The following TJAP1 variants were observed in gnomAD, a reference collection of about 807,000 sequenced individuals.
TJAP1 encodes the protein tight junction associated protein 1.
Under a neutral mutation model 42.0 loss-of-function variants are expected in TJAP1, and 27 were observed. The observed-to-expected ratio is 0.64, with a 90% CI of 0.47 to 0.89. TJAP1 has a LOEUF of 0.89. Ranked by LOEUF, TJAP1 falls within the 40% of genes least tolerant of loss-of-function variation. The pLI, the probability that TJAP1 is intolerant of heterozygous loss-of-function variation, is 0.00. For missense variants in TJAP1, 712 were observed against 726.9 expected (o/e 0.98, Z 0.24); for synonymous variants, 257 against 288.4 (o/e 0.89, Z 1.10).
chr6:43,499,320 C>G (rs1382892689), intron 4 of TJAP1, among the ~76,000 whole-genome samples: 1 of 152,224 alleles, frequency 6.6e-6, no homozygotes, highest in East Asian at 1.9e-4. Context: ...CAGGGAACCC[C>G]TGAGTCTTTG....
At chr6:43,502,386 G>A (rs765728015) in intron 7 of TJAP1, 37 bp downstream of exon 7, 16 of 1,607,434 alleles carry the variant, frequency 1.0e-5, no homozygotes, top group Non-Finnish European at 1.4e-5. Flanking sequence ...TGGGCACTGT[G>A]CTCATAGCAT....
intron 6 of TJAP1, 67 bp from the exon 7 acceptor site, chr6:43,502,216 G>C: frequency 6.5e-7 from 1 of 1,538,424 alleles, no homozygotes; most frequent in Non-Finnish European, 9.0e-7. Context: ...CCCTATCGGG[G>C]AGGCTGAACA....
chr6:43,483,454 C>T (rs1267210018), intron 2 of TJAP1, among the ~76,000 whole-genome samples: 12 of 152,320 alleles, frequency 7.9e-5, no homozygotes, highest in South Asian at 2.1e-4. Context: ...GAGAAGCCTC[C>T]GCTGCTTTTC....
chr6:43,499,844 A>G lies in TJAP1; in HGVS notation c.99+744A>G, dbSNP rs558081934. Among the ~76,000 whole-genome samples, 211 of 152,344 alleles carry G rather than the reference A, an allele frequency of 1.4e-3. 1 individual carries two copies. The highest frequency in any genetic ancestry group is 4.7e-3 in the African/African-American group (194 of 41,582). ...TCAGATTCAAGGTAGAAAAGCCATG[A>G]CTTGCTCATTTCAGTTCAGGGAACA... is the stretch of plus-strand genomic sequence containing the variant. On this transcript the variant is annotated intron_variant, in intron 4 of 10. Coordinates refer to ENST00000372449, the Ensembl canonical transcript of TJAP1.
At chr6:43,484,213 C>G (rs1287096458) in intron 2 of TJAP1, among the ~76,000 whole-genome samples, 2 of 152,178 alleles carry the variant, frequency 1.3e-5, no homozygotes, top group Non-Finnish European at 2.9e-5. Flanking sequence ...AATCCCAGCA[C>G]TTTGGGAGGC....
At chr6:43,502,415 G>A (rs1172381632) in intron 7 of TJAP1, 66 bp downstream of exon 7, 3 of 1,575,596 alleles carry the variant, frequency 1.9e-6, no homozygotes, top group Non-Finnish European at 2.6e-6. Flanking sequence ...GCCAGGATTT[G>A]CCAGGGGAAT....
At chr6:43,504,395 A>G (rs1162063612) in intron 10 of TJAP1, 7 of 263,216 alleles carry the variant, frequency 2.7e-5, no homozygotes, top group Non-Finnish European at 2.9e-5. Context: ...GATTACAGGC[A>G]TGAGCCACTG....
intron 2 of TJAP1, among the ~76,000 whole-genome samples, chr6:43,479,225 TGGACTAG>T (rs899170932): frequency 2.0e-5 from 3 of 152,290 alleles, no homozygotes. Context: ...CGCTTCATGG[TGGACTAG>T]GATGGTTTGA....
At chr6:43,502,158 C>A in intron 6 of TJAP1, 125 bp from the exon 7 acceptor site, 1 of 788,148 alleles carries the variant, frequency 1.3e-6, no homozygotes, top group Non-Finnish European at 2.0e-6. Flanking sequence ...TCATCTAATT[C>A]CTATTAGAAA....
chr6:43,482,615 T>A (rs1436300026), intron 2 of TJAP1, among the ~76,000 whole-genome samples: 1 of 152,212 alleles, frequency 6.6e-6, no homozygotes, highest in African/African-American at 2.4e-5. Flanking sequence ...GTGTCATAAT[T>A]GCCTGTTTAC....
At chr6:43,506,032 A>G in exon 11 of TJAP1, 1 of 519,348 alleles carries the variant, frequency 1.9e-6, no homozygotes, top group Non-Finnish European at 3.1e-6. Flanking sequence ...AGCTGCGTTG[A>G]CTGACTGCAG....
chr6:43,494,938 C>T (rs1788778719), intron 2 of TJAP1, among the ~76,000 whole-genome samples: 2 of 152,238 alleles, frequency 1.3e-5, no homozygotes, highest in South Asian at 4.1e-4. Flanking sequence ...GGAGCCAGCT[C>T]AGCATCCAGA....
In TJAP1 at chr6:43,505,949, TCTC is replaced by T. The variant is rs1301167127; in HGVS notation, c.*98_*100del. On this transcript the variant is annotated 3_prime_UTR_variant, in exon 11 of 11. Transcript: ENST00000372449. This position sits in a 1 kb window ranked among gnomAD's most constrained non-coding sequence, Gnocchi z 5.5. The stretch of plus-strand genomic sequence containing the variant: ...GGGTCCCCAGTCCAAGCCCTTGACC[TCTC>T]CTCTATCCAGACCCGCACAGCTGTT... 5 of 1,336,956 alleles carry T rather than the reference TCTC, an allele frequency of 3.7e-6. No homozygotes were observed. The highest frequency in any genetic ancestry group is 1.8e-5 in the South Asian group (1 of 56,090). The allele number at this position is 1,336,956 out of a possible 1,614,324, so 82.8% of individuals were successfully genotyped here.
chr6:43,489,350 C>T (rs554289856), intron 2 of TJAP1, among the ~76,000 whole-genome samples: 2 of 152,202 alleles, frequency 1.3e-5, no homozygotes, highest in South Asian at 2.1e-4. Flanking sequence ...AAGTGCCACC[C>T]CTGGCCAGGC....
At chr6:43,480,869 T>G (rs983447195) in intron 2 of TJAP1, among the ~76,000 whole-genome samples, 3 of 152,184 alleles carry the variant, frequency 2.0e-5, no homozygotes, top group Admixed American at 6.6e-5. Flanking sequence ...ATCCCTGTCT[T>G]ACAGATGAGA....
At position 43,505,076 on chromosome 6, in the gene TJAP1, G is replaced by A. The variant is rs1259548775; in HGVS notation, c.895G>A (p.Gly299Ser). 1 of 1,613,982 alleles carries A rather than the reference G, an allele frequency of 6.2e-7. No individual in the cohort carries two copies. Among genetic ancestry groups the A allele is most frequent in the Non-Finnish European group, 8.5e-7 (1 of 1,180,022 alleles). ...GTGCCACTCTCTGGGTACTGCCAGG[G>A]GCTCCCCGGAGGAAGAGCTGCCCCT... is the stretch of plus-strand genomic sequence containing the variant. The change falls in exon 11 of 11, where the codon GGC becomes AGC. Residue 299 changes from glycine (G) to serine (S), a missense_variant. Gly to Ser is a moderately conservative substitution (Grantham distance 56, BLOSUM62 0). Around this residue, in one of 3 missense-constraint regions of TJAP1, gnomAD observed 549 missense variants for 528.2 expected, o/e 1.04. Transcript: ENST00000372449. The surrounding 1 kb of genome is among the most constrained non-coding windows in gnomAD (Gnocchi z 5.5).
chr6:43,482,054 C>T lies in TJAP1; in HGVS notation c.-122+3822C>T, dbSNP rs144128518. On this transcript the variant is annotated intron_variant, in intron 2 of 10. Transcript: ENST00000372449. ...TGAGAAGCAGACGGTATCTGTCAGA[C>T]GTATCGCTCCCCACTTCATGAACTT... Among the ~76,000 whole-genome samples the T allele has an allele frequency of 1.6e-3, 248 of 152,246 alleles. 6 individuals are homozygous for T. Among genetic ancestry groups the T allele is most frequent in the African/African-American group, 5.5e-3 (230 of 41,556 alleles).
At position 43,502,791 on chromosome 6, in the gene TJAP1, A is replaced by G. The variant is rs1018736465; in HGVS notation, c.387+174A>G. Reference sequence around the variant, plus strand: ...CCTCCCTCCCAGGAGAGAGGTGGGGAGCCTAGCCTGCTCTGCCCTTGGCTC... The same window carrying G: ...CCTCCCTCCCAGGAGAGAGGTGGGGGGCCTAGCCTGCTCTGCCCTTGGCTC... On this transcript the variant is annotated intron_variant, in intron 8 of 10. Transcript: ENST00000372449. The G allele has an allele frequency of 2.3e-5, 17 of 753,852 alleles. No homozygotes were observed. In the African/African-American group the frequency reaches 2.8e-4, roughly 12 times the overall value. 46.7% of individuals were successfully genotyped at this position (753,852 alleles called of 1,614,324 possible).
At chr6:43,503,849 T>G (rs1019822579) in intron 10 of TJAP1, 143 bp downstream of exon 10, 1 of 763,512 alleles carries the variant, frequency 1.3e-6, no homozygotes. Flanking sequence ...CTCAAGCCAG[T>G]CAACTCTGCC....
Sources: allele counts gnomAD v4.1 joint callset (sites outside exome capture counted in the v4.1 genomes callset), GRCh38; gene constraint gnomAD v4.1.1; regional missense constraint gnomAD v4.1.1; non-coding constraint Gnocchi (gnomAD v3.1); transcripts MANE v1.5; gene names NCBI Gene and HGNC (gene_info 2026-07-23, HGNC 2026-07-21).